MYOM1: variants seen among roughly 807,000 people sequenced by gnomAD.
MYOM1 encodes myomesin 1.
In MYOM1, 164 loss-of-function variants were observed where a neutral mutation model predicts 205.3. That is an observed-to-expected ratio of 0.80 (90% CI 0.70 to 0.91). The LOEUF (loss-of-function observed/expected upper bound fraction) is 0.91. MYOM1 is among the 40% of genes least tolerant of loss of function. MYOM1 has a pLI of 0.00. For missense variants in MYOM1, 2,011 were observed against 2,127.3 expected (o/e 0.95, Z 1.08); for synonymous variants, 772 against 789.4 (o/e 0.98, Z 0.37).
rs1406480512 is a variant in MYOM1 at position 3,215,266 on chromosome 18, C to T, written c.-28-15G>A. ...AACCGGGCCACCTGAAGGAAAACAA[C>T]ACTTTTTGAGTGACTTATTAAGGAA... On this transcript the variant is annotated splice_polypyrimidine_tract_variant and intron_variant, in intron 1 of 37. Coordinates refer to ENST00000356443, the MANE Select transcript of MYOM1 (RefSeq NM_003803.4). 8 of 1,545,976 alleles carry T rather than the reference C, an allele frequency of 5.2e-6. No homozygotes were observed. Among genetic ancestry groups the T allele is most frequent in the Non-Finnish European group, 7.0e-6 (8 of 1,141,196 alleles).
chr18:3,142,307 G>A (rs192740899), intron 13 of MYOM1, among the ~76,000 whole-genome samples: 151 of 152,040 alleles, frequency 9.9e-4, no homozygotes, highest in African/African-American at 3.4e-3. Flanking sequence ...TATCACCCAC[G>A]CTGGCATGCA....
Position 3,197,752 on chromosome 18 carries a change from G to A in MYOM1, c.291-3794C>T, listed in dbSNP as rs375010532. ...GCTGGGCATGGTGGCAGGCGCCTGT[G>A]GTCCCAGCTACTCGGGAGGCTGAGG... On this transcript the variant is annotated intron_variant, in intron 2 of 37. Coordinates refer to ENST00000356443, the MANE Select transcript of MYOM1 (RefSeq NM_003803.4). Among the ~76,000 whole-genome samples the A allele has an allele frequency of 3.3e-3, 505 of 151,756 alleles. 5 individuals carry two copies. Among genetic ancestry groups the A allele is most frequent in the African/African-American group, 1.0e-2 (411 of 41,272 alleles).
chr18:3,138,463 C>T (rs867019927), intron 14 of MYOM1, among the ~76,000 whole-genome samples: 3 of 152,148 alleles, frequency 2.0e-5, no homozygotes, highest in East Asian at 1.9e-4. Flanking sequence ...GAAAGCCACA[C>T]GCATGCTCTT....
chr18:3,113,841 T>C (rs1431419333), intron 21 of MYOM1, among the ~76,000 whole-genome samples: 1 of 152,186 alleles, frequency 6.6e-6, no homozygotes, highest in Non-Finnish European at 1.5e-5. Flanking sequence ...AATCAAACAA[T>C]GTTGGAATAA....
intron 2 of MYOM1, among the ~76,000 whole-genome samples, chr18:3,205,031 G>A (rs1052125489): frequency 2.6e-5 from 4 of 152,122 alleles, no homozygotes; most frequent in African/African-American, 4.8e-5. Context: ...GTGAAAGGAC[G>A]AATTTAGAGC....
intron 33 of MYOM1, among the ~76,000 whole-genome samples, chr18:3,079,793 C>G (rs956115912): frequency 6.6e-6 from 1 of 152,098 alleles, no homozygotes; most frequent in Non-Finnish European, 1.5e-5. Flanking sequence ...TCATCTGTGC[C>G]TGACATCTAT....
chr18:3,184,181 C>T (rs535667072), intron 5 of MYOM1, among the ~76,000 whole-genome samples: 2 of 152,270 alleles, frequency 1.3e-5, no homozygotes, highest in South Asian at 4.1e-4. Flanking sequence ...GCTGGGATTA[C>T]AGGTGTGAGC....
intron 22 of MYOM1, among the ~76,000 whole-genome samples, chr18:3,110,104 G>A (rs145758636): frequency 1.3e-5 from 2 of 152,146 alleles, no homozygotes; most frequent in South Asian, 2.1e-4. Context: ...AACTGTTCAC[G>A]TTCCTATACA....
intron 36 of MYOM1, among the ~76,000 whole-genome samples, chr18:3,072,617 T>C (rs932067097): frequency 6.6e-6 from 1 of 151,832 alleles, no homozygotes; most frequent in African/African-American, 2.4e-5. Context: ...GCCTCCCAAA[T>C]TGCTGGGATT....
In MYOM1 at chr18:3,174,005, A is replaced by G; in HGVS notation, c.1112-5T>C. The G allele has an allele frequency of 6.2e-7, 1 of 1,612,776 alleles. No individual in the cohort carries two copies. The highest frequency in any genetic ancestry group is 1.7e-5 in the Admixed American group (1 of 59,912). The stretch of plus-strand genomic sequence containing the variant: ...CATCAAACTCTCCCTTATACCCTAG[A>G]GAAGAAAACAGAAACGCATGTGAAC... On this transcript the variant is annotated splice_polypyrimidine_tract_variant and splice_region_variant and intron_variant, in intron 7 of 37. Coordinates refer to ENST00000356443, the MANE Select transcript of MYOM1 (RefSeq NM_003803.4).
intron 5 of MYOM1, among the ~76,000 whole-genome samples, chr18:3,177,517 G>A (rs533333554): frequency 6.7e-4 from 101 of 151,028 alleles, no homozygotes; most frequent in African/African-American, 2.3e-3. Flanking sequence ...TGTTGCCCAG[G>A]CTGGAGTGCA....
chr18:3,202,440 A>C (rs1437011700), intron 2 of MYOM1, among the ~76,000 whole-genome samples: 1 of 152,140 alleles, frequency 6.6e-6, no homozygotes, highest in Admixed American at 6.5e-5. Flanking sequence ...TGCTGCCACA[A>C]GAGGCACACC....
At chr18:3,192,432 GCAATTATGACATTAGCC>G (rs990707690) in intron 3 of MYOM1, among the ~76,000 whole-genome samples, 1 of 152,194 alleles carries the variant, frequency 6.6e-6, no homozygotes, top group African/African-American at 2.4e-5. Context: ...TGGGTTCAGA[GCAATTATGACATTAGCC>G]TCTGACACAA....
At chr18:3,113,460 T>C (rs984771345) in intron 21 of MYOM1, among the ~76,000 whole-genome samples, 5 of 151,838 alleles carry the variant, frequency 3.3e-5, no homozygotes, top group Admixed American at 6.6e-5. Context: ...TCTTGAATAG[T>C]TGGGACCACA....
intron 9 of MYOM1, among the ~76,000 whole-genome samples, chr18:3,168,409 C>T (rs183772371): frequency 4.6e-5 from 7 of 152,274 alleles, no homozygotes; most frequent in African/African-American, 1.4e-4. Context: ...CTGCTTCAGC[C>T]TCCTGAGTAG....
chr18:3,208,853 C>A (rs2081157761), intron 2 of MYOM1, among the ~76,000 whole-genome samples: 1 of 152,180 alleles, frequency 6.6e-6, no homozygotes, highest in African/African-American at 2.4e-5. Flanking sequence ...TGGTCTGAAA[C>A]TCCTGGGCTC....
the MYOM1 span, chr18:3,236,294 C>A: frequency 6.6e-6 from 1 of 152,114 alleles, no homozygotes; most frequent in African/African-American, 2.4e-5. Context: ...CTACTTAGAC[C>A]TCTTTAGGAG....
chr18:3,087,978 G>A lies in MYOM1; in HGVS notation c.4137+1196C>T, dbSNP rs571316256. ...AGAGCTATGCGAAGACAGAGGAAGC[G>A]GGAGGCCTTCTAGAGATGACTGAGC... On this transcript the variant is annotated intron_variant, in intron 29 of 37. Coordinates refer to ENST00000356443, the MANE Select transcript of MYOM1 (RefSeq NM_003803.4). Among the ~76,000 whole-genome samples the A allele has an allele frequency of 4.6e-5, 7 of 152,304 alleles. No homozygotes were observed. In the South Asian group the frequency reaches 8.3e-4, roughly 18 times the overall value.
rs1367330529 is a variant in MYOM1, at chr18:3,193,357, T to TACACACACACACAC, written c.431+460_431+461insGTGTGTGTGTGTGT. On this transcript the variant is annotated intron_variant, in intron 3 of 37. Transcript: ENST00000356443. ...ATATATGTACATATACATATATATA[T>TACACACACACACAC]ATATACACACACACACACACACACA... 7.5e-3 allele frequency among the ~76,000 whole-genome samples: 774 copies of TACACACACACACAC among 102,818 alleles called. 6 individuals carry two copies. The highest frequency in any genetic ancestry group is 0.011 in the Non-Finnish European group (487 of 43,870). The allele number at this position is 102,818 out of a possible 152,430, so 67.5% of individuals were successfully genotyped here. A position where few individuals can be genotyped will look rare whatever the true frequency, so the allele number is the denominator to read the frequency against.
Sources: gnomAD v4.1 joint callset for allele counts (sites outside exome capture counted in the v4.1 genomes callset) on GRCh38, gnomAD v4.1.1 for gene constraint, MANE v1.5 for transcripts, NCBI Gene and HGNC (gene_info 2026-07-23, HGNC 2026-07-21) for gene names.